Variants in NACC2 observed in about 807,000 individuals in gnomAD.
The protein encoded by NACC2 is nucleus accumbens-associated protein 2.
NACC2 carries 8 observed loss-of-function variants against 25.1 expected under a neutral mutation model. The observed-to-expected ratio is 0.32, with a 90% CI of 0.19 to 0.57. The LOEUF (loss-of-function observed/expected upper bound fraction) is 0.57. Among genes scored for constraint, NACC2 ranks in the 20% least tolerant of loss-of-function variants. The pLI, the probability that NACC2 is intolerant of heterozygous loss-of-function variation, is 0.89. For synonymous variants in NACC2, 435 were observed against 294.7 expected (o/e 1.48, Z -4.88); for missense variants, 644 against 650.2 (o/e 0.99, Z 0.10).
In NACC2 at chr9:136,018,069, G is replaced by T. The variant is rs974330728; in HGVS notation, c.887-1640C>A. Reference sequence around the variant, plus strand: ...TGCTGGTCTCAGCTGTGCAGAGGGAGGGGTGGGGTGGAACCTGCACGTCCA... The same window carrying T: ...TGCTGGTCTCAGCTGTGCAGAGGGATGGGTGGGGTGGAACCTGCACGTCCA... On this transcript the variant is annotated intron_variant, in intron 2 of 5. Coordinates refer to ENST00000277554, the MANE Select transcript of NACC2 (RefSeq NM_144653.5). The surrounding 1 kb of genome is among the most constrained non-coding windows in gnomAD (Gnocchi z 4.4). Among the ~76,000 whole-genome samples, 2 of 152,160 alleles carry T rather than the reference G, an allele frequency of 1.3e-5. No homozygotes were observed. Among genetic ancestry groups the T allele is most frequent in the South Asian group, 2.1e-4 (1 of 4,838 alleles).
intron 2 of NACC2, 39 bp downstream of exon 2, chr9:136,049,597 C>G (rs1253049603): frequency 1.3e-6 from 1 of 751,540 alleles, no homozygotes; most frequent in Non-Finnish European, 2.5e-6. Flanking sequence ...GGCCCCGCTT[C>G]CCAGCCAGGT....
At chr9:136,047,251 C>T (rs904508518) in intron 2 of NACC2, among the ~76,000 whole-genome samples, 1 of 151,994 alleles carries the variant, frequency 6.6e-6, no homozygotes, top group African/African-American at 2.4e-5. Context: ...CCAGGGGCAG[C>T]TCCAGGTCAG....
chr9:136,016,258 G>A lies in NACC2; in HGVS notation c.1051+7C>T. ...GCATACAATAGATGGGTGGGAGGCA[G>A]CCTCACCTGCCACCAGCTCCAGCTT... On this transcript the variant is annotated splice_region_variant and intron_variant, in intron 3 of 5. Transcript: ENST00000277554. 1 of 1,612,532 alleles carries A rather than the reference G, an allele frequency of 6.2e-7. No homozygotes were observed. The highest frequency in any genetic ancestry group is 8.5e-7 in the Non-Finnish European group (1 of 1,179,942).
intron 2 of NACC2, among the ~76,000 whole-genome samples, chr9:136,030,637 A>G (rs1310231582): frequency 6.6e-6 from 1 of 152,038 alleles, no homozygotes; most frequent in Non-Finnish European, 1.5e-5. Flanking sequence ...AGGGTACTGG[A>G]ACAATTTCAT....
chr9:136,069,052 A>G (rs1040464054), intron 1 of NACC2, among the ~76,000 whole-genome samples: 1 of 151,396 alleles, frequency 6.6e-6, no homozygotes, highest in Admixed American at 6.6e-5. Flanking sequence ...GATTAAAGGC[A>G]TGTGCCACCA....
chr9:136,050,038 A>G lies in NACC2; in HGVS notation c.484T>C (p.Ser162Pro). 4.2e-6 allele frequency: 3 copies of G among 710,868 alleles called. No homozygotes were observed. Among genetic ancestry groups the G allele is most frequent in the South Asian group, 1.5e-5 (1 of 65,502 alleles). 44.0% of individuals were successfully genotyped at this position (710,868 alleles called of 1,614,324 possible). A position where few individuals can be genotyped will look rare whatever the true frequency, so the allele number is the denominator to read the frequency against. The change falls in exon 2 of 6, where the codon TCC (serine) becomes CCC (proline). Residue 162 changes from serine (S) to proline (P), a missense_variant. Transcript: ENST00000277554. ...AGCAGCGGGATGGGCACCGAGGGGG[A>G]CACGACGTAGGGGGCCGCGGCGGCG... ...AAAAAAPYVV[S>P]PSVPIPLLTR...
rs776189272 is a variant in NACC2 at position 136,091,952 on chromosome 9, C to G, written c.-60+3237G>C. Among the ~76,000 whole-genome samples, 189 of 152,360 alleles carry G rather than the reference C, an allele frequency of 1.2e-3. 1 individual carries two copies. The highest frequency in any genetic ancestry group is 6.8e-3 in the Middle Eastern group (2 of 294). Reference sequence around the variant, plus strand: ...CCCTGGCCTGGGTAACCTCGCTCCCCGGCCCCCACAGCCAAGGCCCAAACA... The same window carrying G: ...CCCTGGCCTGGGTAACCTCGCTCCCGGGCCCCCACAGCCAAGGCCCAAACA... On this transcript the variant is annotated intron_variant, in intron 1 of 5. Coordinates refer to ENST00000277554, the MANE Select transcript of NACC2 (RefSeq NM_144653.5).
Position 136,084,217 on chromosome 9 carries a change from C to T in NACC2, c.-60+10972G>A, listed in dbSNP as rs962965890. 3.3e-5 allele frequency among the ~76,000 whole-genome samples: 5 copies of T among 152,128 alleles called. No individual in the cohort carries two copies. The highest frequency in any genetic ancestry group is 6.5e-5 in the Admixed American group (1 of 15,274). ...CACCCACTCACCAACCTGCAGCCTC[C>T]CCGCTCCCAGGTCAAAGACCTCCAC... On this transcript the variant is annotated intron_variant, in intron 1 of 5. Coordinates refer to ENST00000277554, the MANE Select transcript of NACC2 (RefSeq NM_144653.5). This position sits in a 1 kb window ranked among gnomAD's most constrained non-coding sequence, Gnocchi z 5.1.
intron 1 of NACC2, among the ~76,000 whole-genome samples, chr9:136,058,165 T>G (rs943245428): frequency 7.2e-5 from 11 of 152,190 alleles, no homozygotes; most frequent in Admixed American, 5.2e-4. Flanking sequence ...GCAAGGGGGC[T>G]GCTGGCACCA....
intron 2 of NACC2, among the ~76,000 whole-genome samples, chr9:136,029,527 C>T (rs908755219): frequency 1.3e-5 from 2 of 152,218 alleles, no homozygotes; most frequent in Non-Finnish European, 2.9e-5. Context: ...TGAAACATGC[C>T]CCTTGCCCAC....
intron 2 of NACC2, among the ~76,000 whole-genome samples, chr9:136,028,264 G>A (rs1407670384): frequency 6.6e-6 from 1 of 151,754 alleles, no homozygotes; most frequent in Non-Finnish European, 1.5e-5. Flanking sequence ...TTACACAACA[G>A]GTTCTACAGA....
At position 136,013,895 on chromosome 9, in the gene NACC2, G is replaced by A; in HGVS notation, c.1126C>T (p.Leu376=). The stretch of plus-strand genomic sequence containing the variant: ...AAGAAGGTGGCCAGGAGCCTCCGCA[G>A]CAAGACCTTATGCTTCACCCCTGCA... ...LCAGVKHKVL[L]RRLLATFFDR... Residue 376 remains leucine (L), a synonymous_variant, in exon 4 of 6, where the codon CTG becomes TTG. Coordinates refer to ENST00000277554, the MANE Select transcript of NACC2 (RefSeq NM_144653.5). This position sits in a 1 kb window ranked among gnomAD's most constrained non-coding sequence, Gnocchi z 6.6. 6.2e-7 allele frequency: 1 copy of A among 1,612,884 alleles called. No homozygotes were observed. The highest frequency in any genetic ancestry group is 8.5e-7 in the Non-Finnish European group (1 of 1,179,962).
At chr9:136,029,268 G>A (rs1239956647) in intron 2 of NACC2, among the ~76,000 whole-genome samples, 1 of 152,150 alleles carries the variant, frequency 6.6e-6, no homozygotes, top group Non-Finnish European at 1.5e-5. Context: ...ACCTGAGGAG[G>A]GGAGCTACCC....
chr9:136,082,455 C>T (rs1830334052), intron 1 of NACC2, among the ~76,000 whole-genome samples: 1 of 152,200 alleles, frequency 6.6e-6, no homozygotes, highest in Admixed American at 6.5e-5. Context: ...CTGATGGTGG[C>T]CCTCACCTGT....
At position 136,011,886 on chromosome 9, in the gene NACC2, A is replaced by G; in HGVS notation, c.1394T>C (p.Met465Thr). ...GGCGGAGCCCATGACCGTGCGGTAC[A>G]TCTCCACGCCCTCCGGCAGCATGGA... ...IKSMLPEGVE[M>T]YRTVMGSAAA... Residue 465 changes from methionine to threonine, a missense_variant, in exon 6 of 6, where the codon ATG becomes ACG. Coordinates refer to ENST00000277554, the MANE Select transcript of NACC2 (RefSeq NM_144653.5). 6.4e-7 allele frequency: 1 copy of G among 1,574,730 alleles called. No homozygotes were observed. The highest frequency in any genetic ancestry group is 1.2e-5 in the South Asian group (1 of 86,938).
chr9:136,070,941 A>G (rs1204594156), intron 1 of NACC2, among the ~76,000 whole-genome samples: 1 of 151,800 alleles, frequency 6.6e-6, no homozygotes, highest in African/African-American at 2.4e-5. Context: ...AGTAAGAACA[A>G]TTTGACTGCT....
chr9:136,048,362 T>C (rs1840760127), intron 2 of NACC2, among the ~76,000 whole-genome samples: 1 of 152,220 alleles, frequency 6.6e-6, no homozygotes, highest in Non-Finnish European at 1.5e-5. Context: ...ACTGACATCC[T>C]GTACGGCCTC....
intron 1 of NACC2, 103 bp downstream of exon 1, chr9:136,095,086 T>C (rs887604629): frequency 3.5e-5 from 5 of 144,902 alleles, no homozygotes; most frequent in African/African-American, 1.2e-4. Context: ...TCGCGCCAAG[T>C]TGGGCGGCCG....
chr9:136,029,729 T>C (rs1396262481), intron 2 of NACC2, among the ~76,000 whole-genome samples: 1 of 152,162 alleles, frequency 6.6e-6, no homozygotes, highest in Non-Finnish European at 1.5e-5. Context: ...GCTGCAGCCC[T>C]GCAGGGAGCC....
Sources: gnomAD v4.1 joint callset for allele counts (sites outside exome capture counted in the v4.1 genomes callset) on GRCh38, gnomAD v4.1.1 for gene constraint, Gnocchi (gnomAD v3.1) non-coding constraint, MANE v1.5 for transcripts, NCBI Gene and HGNC (gene_info 2026-07-23, HGNC 2026-07-21) for gene names.